PIAS1: variants seen among roughly 807,000 people sequenced by gnomAD.
PIAS1 encodes protein inhibitor of activated STAT 1, also known as E3 SUMO-protein ligase PIAS1.
A neutral mutation model predicts 71.3 loss-of-function variants in PIAS1; 6 were observed. The ratio of observed to expected loss-of-function variants is 0.08; its 90% CI spans 0.05 to 0.17. The LOEUF is 0.17. PIAS1 is among the 10% of genes least tolerant of loss of function. The pLI is 1.00. For missense variants in PIAS1, 555 were observed against 793.6 expected (o/e 0.70, Z 3.61); for synonymous variants, 303 against 292.9 (o/e 1.03, Z -0.35).
At chr15:68,068,356 A>G (rs781475812) in intron 1 of PIAS1, among the ~76,000 whole-genome samples, 2 of 152,178 alleles carry the variant, frequency 1.3e-5, no homozygotes, top group African/African-American at 2.4e-5. Context: ...AGGACAGAGC[A>G]TGGCCAATAT....
rs1462149442 is a variant in PIAS1 at position 68,181,292 on chromosome 15, C to T, written c.1562C>T (p.Thr521Ile). ...LPAVDTSYINTSLIQDYRHPF... is the reference protein window; with the variant it reads ...LPAVDTSYINISLIQDYRHPF... The stretch of plus-strand genomic sequence containing the variant: ...GCTGTAGACACAAGCTACATTAATA[C>T]CTCCCTCATCCAAGACTATAGGCAT... The change falls in exon 12 of 14, where the codon ACC (threonine) becomes ATC (isoleucine). Residue 521 changes from threonine to isoleucine, a missense_variant. By Grantham distance (89) the Thr-to-Ile change is moderately conservative. Around this residue, in one of 5 missense-constraint regions of PIAS1, gnomAD observed 244 missense variants for 307.5 expected, o/e 0.79. Coordinates refer to ENST00000249636, the MANE Select transcript of PIAS1 (RefSeq NM_016166.3). 1 of 1,613,496 alleles carries T rather than the reference C, an allele frequency of 6.2e-7. No individual in the cohort carries two copies. Among genetic ancestry groups the T allele is most frequent in the Non-Finnish European group, 8.5e-7 (1 of 1,179,452 alleles).
At chr15:68,119,739 G>A (rs1362872823) in intron 2 of PIAS1, among the ~76,000 whole-genome samples, 1 of 152,114 alleles carries the variant, frequency 6.6e-6, no homozygotes, top group Admixed American at 6.5e-5. Flanking sequence ...CTGTCCAGTT[G>A]TTCTATCACT....
chr15:68,123,828 T>TGTAC (rs1193946692), intron 2 of PIAS1, among the ~76,000 whole-genome samples: 1 of 152,212 alleles, frequency 6.6e-6, no homozygotes, highest in African/African-American at 2.4e-5. Flanking sequence ...ATAAAATAGA[T>TGTAC]GTACCTTCAC....
chr15:68,151,839 G>A (rs2092847916), intron 6 of PIAS1, among the ~76,000 whole-genome samples: 1 of 150,498 alleles, frequency 6.6e-6, no homozygotes, highest in Non-Finnish European at 1.5e-5. Flanking sequence ...CGGCCTGGGT[G>A]ACAGAGCGAG....
intron 1 of PIAS1, among the ~76,000 whole-genome samples, chr15:68,056,737 G>C (rs2091900583): frequency 6.6e-6 from 1 of 151,818 alleles, no homozygotes; most frequent in South Asian, 2.1e-4. Flanking sequence ...TCTCAGGAAC[G>C]CCTACCATAG....
At chr15:68,125,999 C>CG (rs1423953065) in intron 2 of PIAS1, among the ~76,000 whole-genome samples, 1 of 151,792 alleles carries the variant, frequency 6.6e-6, no homozygotes, top group Non-Finnish European at 1.5e-5. Context: ...GCGCCCCAGA[C>CG]CAGTTTCTGA....
At chr15:68,142,534 T>C (rs896417625) in intron 4 of PIAS1, among the ~76,000 whole-genome samples, 197 bp downstream of exon 4, 1 of 152,112 alleles carries the variant, frequency 6.6e-6, no homozygotes, top group Non-Finnish European at 1.5e-5. Flanking sequence ...AATAAGTGTA[T>C]TGAAAATATT....
intron 2 of PIAS1, among the ~76,000 whole-genome samples, chr15:68,118,720 CTTA>C (rs999422311): frequency 2.6e-5 from 4 of 152,100 alleles, no homozygotes; most frequent in African/African-American, 9.7e-5. Context: ...TTGCATTTCC[CTTA>C]TTATTAGTGA....
rs368676237 is a variant in PIAS1, at chr15:68,076,400, G to A, written c.25-9906G>A. 2.8e-4 allele frequency among the ~76,000 whole-genome samples: 43 copies of A among 152,122 alleles called. No individual in the cohort carries two copies. In the East Asian group the frequency reaches 7.7e-3, roughly 27 times the overall value. ...CATGCACCTGTAGTCCCAGCTACTC[G>A]GGAGGCTGAGGCAGGAGAATCACTT... On this transcript the variant is annotated intron_variant, in intron 1 of 13. Transcript: ENST00000249636.
At chr15:68,101,348 T>A (rs1472190586) in intron 2 of PIAS1, among the ~76,000 whole-genome samples, 13 of 121,894 alleles carry the variant, frequency 1.1e-4, no homozygotes, top group African/African-American at 3.1e-4. Context: ...TTTTTTTTTT[T>A]AACTTATGAG....
rs2093116868 is a variant in PIAS1 at position 68,190,961 on chromosome 15, T to A, written c.*3126T>A. 1 of 152,256 alleles carries A rather than the reference T, an allele frequency of 6.6e-6. No homozygotes were observed. The highest frequency in any genetic ancestry group is 6.5e-5 in the Admixed American group (1 of 15,276). The allele number at this position is 152,256 out of a possible 1,614,324, so 9.4% of individuals were successfully genotyped here. A position where few individuals can be genotyped will look rare whatever the true frequency, so the allele number is the denominator to read the frequency against. On this transcript the variant is annotated 3_prime_UTR_variant, in exon 14 of 14. Transcript: ENST00000249636. The surrounding 1 kb of genome is among the most constrained non-coding windows in gnomAD (Gnocchi z 4.7). ...AAATGGAGTGAAAATATATCCTAAC[T>A]AAATTAATGTGGAAAGAGCATTTTT...
chr15:68,136,775 T>C (rs181018158), intron 2 of PIAS1, among the ~76,000 whole-genome samples: 60 of 152,306 alleles, frequency 3.9e-4, no homozygotes, highest in African/African-American at 1.3e-3. Context: ...AAATCTTTTA[T>C]ATCATCTAAA....
chr15:68,076,809 G>A (rs1363096275), intron 1 of PIAS1, among the ~76,000 whole-genome samples: 2 of 152,228 alleles, frequency 1.3e-5, no homozygotes, highest in Non-Finnish European at 2.9e-5. Flanking sequence ...CACTTACTTG[G>A]TGTCATTAAC....
intron 2 of PIAS1, among the ~76,000 whole-genome samples, chr15:68,121,750 T>G (rs1246996207): frequency 6.6e-6 from 1 of 152,164 alleles, no homozygotes; most frequent in Non-Finnish European, 1.5e-5. Flanking sequence ...AGGTTAGTAT[T>G]TCTTTACAGC....
chr15:68,182,629 A>G (rs774139094), intron 12 of PIAS1, among the ~76,000 whole-genome samples: 1 of 152,158 alleles, frequency 6.6e-6, no homozygotes, highest in East Asian at 1.9e-4. Flanking sequence ...CATGTTGGTC[A>G]GGCTGGTCTC....
intron 1 of PIAS1, among the ~76,000 whole-genome samples, chr15:68,069,945 A>G (rs1207519753): frequency 1.3e-5 from 2 of 152,150 alleles, no homozygotes; most frequent in Non-Finnish European, 2.9e-5. Flanking sequence ...TTATTTTGGG[A>G]AATGTTTTCT....
chr15:68,124,280 C>A (rs2092634236), intron 2 of PIAS1, among the ~76,000 whole-genome samples: 1 of 152,138 alleles, frequency 6.6e-6, no homozygotes, highest in African/African-American at 2.4e-5. Flanking sequence ...CCTGTAAAGA[C>A]AGTCAGAAGT....
In PIAS1 at chr15:68,186,791, C is replaced by G. The variant is rs1273490411; in HGVS notation, c.1663-751C>G. ...TTGTGTTACAGTTGCCTACGGCATT[C>G]AGCACAGTAACATGCTGTACAGGTT... is the stretch of plus-strand genomic sequence containing the variant. On this transcript the variant is annotated intron_variant, in intron 13 of 13. Coordinates refer to ENST00000249636, the MANE Select transcript of PIAS1 (RefSeq NM_016166.3). This position sits in a 1 kb window ranked among gnomAD's most constrained non-coding sequence, Gnocchi z 4.4. 6.6e-6 allele frequency among the ~76,000 whole-genome samples: 1 copy of G among 152,238 alleles called. No individual in the cohort carries two copies. Among genetic ancestry groups the G allele is most frequent in the Non-Finnish European group, 1.5e-5 (1 of 68,042 alleles).
intron 2 of PIAS1, among the ~76,000 whole-genome samples, chr15:68,126,634 G>A (rs898083503): frequency 6.6e-6 from 1 of 151,882 alleles, no homozygotes; most frequent in African/African-American, 2.4e-5. Flanking sequence ...GTAGAGGCGG[G>A]GTTTCACCAT....
Sources: gnomAD v4.1 joint callset for allele counts (sites outside exome capture counted in the v4.1 genomes callset) on GRCh38, gnomAD v4.1.1 for gene constraint, gnomAD v4.1.1 regional missense constraint, Gnocchi (gnomAD v3.1) non-coding constraint, MANE v1.5 for transcripts, NCBI Gene and HGNC (gene_info 2026-07-23, HGNC 2026-07-21) for gene names.